Variants in MAP6 observed in about 807,000 individuals in gnomAD.
The protein encoded by MAP6 is microtubule-associated protein 6.
Under a neutral mutation model 42.4 loss-of-function variants are expected in MAP6, and 26 were observed. That is an observed-to-expected ratio of 0.61 (90% CI 0.45 to 0.85). The LOEUF (loss-of-function observed/expected upper bound fraction) is 0.85, where lower values mean the gene tolerates loss of function less well. MAP6 is among the 40% of genes least tolerant of loss of function. MAP6 has a pLI of 0.00. For synonymous variants in MAP6, 418 were observed against 443.8 expected, an observed-to-expected ratio of 0.94 and a Z score of 0.73; for missense variants, 966 against 1,099.0, an observed-to-expected ratio of 0.88 and a Z score of 1.71.
At chr11:75,658,997 A>G (rs1032372985) in intron 1 of MAP6, among the ~76,000 whole-genome samples, 4 of 152,160 alleles carry the variant, frequency 2.6e-5, no homozygotes, top group Non-Finnish European at 5.9e-5. Context: ...CTGTCCAATA[A>G]CCATAAGACT....
At chr11:75,592,581 T>A (rs1165774351) in intron 3 of MAP6, among the ~76,000 whole-genome samples, 1 of 148,186 alleles carries the variant, frequency 6.7e-6, no homozygotes, top group Non-Finnish European at 1.5e-5. Context: ...TCCCTTCCCC[T>A]ACCACCTGCT....
chr11:75,606,058 A>G, intron 2 of MAP6, 54 bp from the exon 3 acceptor site: 1 of 1,593,702 alleles, frequency 6.3e-7, no homozygotes, highest in Admixed American at 1.7e-5. Context: ...GGGGCGTGGG[A>G]AGGAATTTAG....
rs1312471698 is a variant in MAP6, at chr11:75,640,991, C to A, written c.905+26474G>T. ...CAGCCATCCCATTACTGGGTATATA[C>A]CCAAAGGATTATAAAACATGCTGCT... On this transcript the variant is annotated intron_variant, in intron 1 of 3. Coordinates refer to ENST00000304771, the MANE Select transcript of MAP6 (RefSeq NM_033063.2). Among the ~76,000 whole-genome samples, 99 of 152,210 alleles carry A rather than the reference C, an allele frequency of 6.5e-4. 1 individual carries two copies. Among genetic ancestry groups the A allele is most frequent in the Non-Finnish European group, 1.1e-3 (78 of 68,022 alleles).
chr11:75,637,808 AGAGGGAGG>A (rs1176549409), intron 1 of MAP6, among the ~76,000 whole-genome samples: 3 of 127,198 alleles, frequency 2.4e-5, no homozygotes, highest in East Asian at 2.7e-4. Context: ...AGAAAGGGAG[AGAGGGAGG>A]GAGGGAGGGA....
intron 3 of MAP6, among the ~76,000 whole-genome samples, chr11:75,591,274 A>G (rs1389294328): frequency 6.6e-6 from 1 of 152,356 alleles, no homozygotes. Flanking sequence ...GAATTAAGCT[A>G]TAACATCCTC....
At chr11:75,623,422 T>C (rs1382783716) in intron 1 of MAP6, among the ~76,000 whole-genome samples, 1 of 152,212 alleles carries the variant, frequency 6.6e-6, no homozygotes, top group Non-Finnish European at 1.5e-5. Context: ...GTGCATTTTA[T>C]GTTATGTGAA....
At chr11:75,611,197 G>A (rs1942890633) in intron 1 of MAP6, among the ~76,000 whole-genome samples, 1 of 152,192 alleles carries the variant, frequency 6.6e-6, no homozygotes, top group Non-Finnish European at 1.5e-5. Context: ...CTGGTATTTG[G>A]GCCTGGGCCT....
rs767396006 is a variant in MAP6, at chr11:75,587,843, G to C, written c.1658C>G (p.Ser553Cys). 5.6e-6 allele frequency: 9 copies of C among 1,614,080 alleles called. No individual in the cohort carries two copies. In the Admixed American group the frequency reaches 1.5e-4, roughly 27 times the overall value. ...MVPAKVKDQG[S>C]VVPESLKDQG... ...ATCCTTTAGAGACTCTGGTACCACA[G>C]AGCCTTGATCCTTAACTTTTGCTGG... Residue 553 changes from serine to cysteine, a missense_variant, in exon 4 of 4, where the codon TCT becomes TGT. Transcript: ENST00000304771.
At chr11:75,589,920 G>A (rs192677687) in intron 3 of MAP6, among the ~76,000 whole-genome samples, 78 of 152,292 alleles carry the variant, frequency 5.1e-4, no homozygotes, top group African/African-American at 1.8e-3. Flanking sequence ...GCCACCCAGG[G>A]ACTGGTATTT....
intron 1 of MAP6, among the ~76,000 whole-genome samples, chr11:75,626,560 C>G (rs1419138643): frequency 1.3e-5 from 2 of 152,160 alleles, no homozygotes; most frequent in African/African-American, 4.8e-5. Flanking sequence ...TAATAATAAT[C>G]TAAATTACAA....
intron 1 of MAP6, among the ~76,000 whole-genome samples, chr11:75,648,080 A>G (rs1346525692): frequency 6.6e-6 from 1 of 152,244 alleles, no homozygotes; most frequent in African/African-American, 2.4e-5. Context: ...CAAATAACGG[A>G]TTTGGGATAC....
At chr11:75,607,294 A>G in intron 2 of MAP6, 1 of 985,476 alleles carries the variant, frequency 1.0e-6, no homozygotes, top group Non-Finnish European at 1.2e-6. Context: ...AAGGATAATT[A>G]GGTTCCAGAG....
At chr11:75,593,489 G>A (rs143898280) in intron 3 of MAP6, among the ~76,000 whole-genome samples, 1 of 152,338 alleles carries the variant, frequency 6.6e-6, no homozygotes, top group Non-Finnish European at 1.5e-5. Flanking sequence ...TCCTCCACTG[G>A]ATGGTGAAAG....
intron 3 of MAP6, among the ~76,000 whole-genome samples, chr11:75,589,234 C>A (rs1942431209): frequency 6.6e-6 from 1 of 152,228 alleles, no homozygotes. Context: ...TGTTCCCTCG[C>A]CTCACTGTGG....
rs145421387 is a variant in MAP6, at chr11:75,587,119, A to T, written c.2382T>A (p.Pro794=). 9.9e-6 allele frequency: 16 copies of T among 1,612,822 alleles called. No individual in the cohort carries two copies. The African/African-American group carries it at 2.0e-4, about 20-fold the overall frequency. ...CAGTTGGGATCATGACTCGGGGTAG[A>T]GGTGAGACAGTAGGTAGCTGAGGGT... ...PRDPQLPTVS[P]LPRVMIPTAP... The change falls in exon 4 of 4, where the codon CCT becomes CCA. Residue 794 remains proline (P), a synonymous_variant. Transcript: ENST00000304771.
chr11:75,629,610 T>C (rs1048174044), intron 1 of MAP6, among the ~76,000 whole-genome samples: 1 of 152,232 alleles, frequency 6.6e-6, no homozygotes, highest in African/African-American at 2.4e-5. Flanking sequence ...TCTTTTATTT[T>C]GAGGTCAAAG....
At chr11:75,637,377 A>T (rs935171596) in intron 1 of MAP6, among the ~76,000 whole-genome samples, 1 of 152,222 alleles carries the variant, frequency 6.6e-6, no homozygotes, top group African/African-American at 2.4e-5. Context: ...TTTGCTGTGA[A>T]AACAGTATTG....
intron 1 of MAP6, among the ~76,000 whole-genome samples, chr11:75,620,086 G>C (rs550050532): frequency 1.3e-5 from 2 of 152,260 alleles, no homozygotes; most frequent in East Asian, 1.9e-4. Context: ...TTTACACAAA[G>C]AAAGTCTGAT....
Position 75,587,560 on chromosome 11 carries a change from C to T in MAP6, c.1941G>A (p.Pro647=), listed in dbSNP as rs755307410. Residue 647 remains proline, a synonymous_variant, in exon 4 of 4, where the codon CCG becomes CCA. Coordinates refer to ENST00000304771, the MANE Select transcript of MAP6 (RefSeq NM_033063.2). ...KDQDPMVPEH[P]KDESAMATAP... is the part of the protein sequence containing the mutation. ...CTGTGGCCATGGCACTTTCATCCTT[C>T]GGATGCTCTGGGACCATGGGATCTT... The T allele has an allele frequency of 6.3e-5, 101 of 1,614,000 alleles. 1 individual carries two copies. The highest frequency in any genetic ancestry group is 4.9e-4 in the Middle Eastern group (3 of 6,084).
Sources: allele counts gnomAD v4.1 joint callset (sites outside exome capture counted in the v4.1 genomes callset), GRCh38; gene constraint gnomAD v4.1.1; transcripts MANE v1.5; gene names NCBI Gene and HGNC (gene_info 2026-07-23, HGNC 2026-07-21).